Variants in CACNA1S observed in about 807,000 individuals in gnomAD.
The protein encoded by CACNA1S is calcium voltage-gated channel subunit alpha1 S.
Under a neutral mutation model 207.4 loss-of-function variants are expected in CACNA1S, and 126 were observed. The observed-to-expected ratio is 0.61, with a 90% confidence interval of 0.53 to 0.70. CACNA1S has a LOEUF of 0.70. Ranked by LOEUF, CACNA1S falls within the 30% of genes least tolerant of loss-of-function variation. The probability of loss-of-function intolerance (pLI) is 0.00; values close to 1 mark genes in which losing one functional copy is unlikely to be tolerated. For synonymous variants in CACNA1S, 960 were observed against 932.7 expected (o/e 1.03, Z -0.53); for missense variants, 2,349 against 2,422.8 (o/e 0.97, Z 0.64).
At position 201,066,951 on chromosome 1, in the gene CACNA1S, G is replaced by A. The variant is rs201205904; in HGVS notation, c.2593C>T (p.Arg865Cys). Residue 865 changes from arginine (R) to cysteine (C), a missense_variant, in exon 20 of 44, where the codon CGC becomes TGC. Transcript: ENST00000362061. This position sits in a 1 kb window ranked among gnomAD's most constrained non-coding sequence, Gnocchi z 4.3. ...AGGTCCAGCATGTTGAAGTAATTGCGGCAGAAGGAACCCTTGTGCAGGAAG... is the reference window on the plus strand; with the variant it reads ...AGGTCCAGCATGTTGAAGTAATTGCAGCAGAAGGAACCCTTGTGCAGGAAG... ...GAFLHKGSFC[R>C]NYFNMLDLLV... The A allele has an allele frequency of 5.8e-5, 94 of 1,614,182 alleles. No individual in the cohort carries two copies. The highest frequency in any genetic ancestry group is 4.0e-4 in the African/African-American group (30 of 75,048).
Position 201,075,558 on chromosome 1 carries a change from C to A in CACNA1S, c.1885G>T (p.Gly629Trp). The A allele has an allele frequency of 6.2e-7, 1 of 1,614,090 alleles. No individual in the cohort carries two copies. The highest frequency in any genetic ancestry group is 8.5e-7 in the Non-Finnish European group (1 of 1,179,984). The change falls in exon 13 of 44, where the codon GGG (glycine) becomes TGG (tryptophan). Residue 629 changes from glycine to tryptophan, a missense_variant. Coordinates refer to ENST00000362061, the MANE Select transcript of CACNA1S (RefSeq NM_000069.3). ...MMYNGIMAYG[G>W]PSYPGMLVCI... is the part of the protein sequence containing the mutation. ...ACAAGCATGCCAGGGTAGGACGGCC[C>A]GCCGTAGGCCATGATCCCATTGTAC...
At position 201,073,606 on chromosome 1, in the gene CACNA1S, C is replaced by T. The variant is rs774160640; in HGVS notation, c.2100G>A (p.Thr700=). 51 of 1,614,092 alleles carry T rather than the reference C, an allele frequency of 3.2e-5. No individual in the cohort carries two copies. The African/African-American group carries it at 3.7e-4, about 12-fold the overall frequency. Residue 700 remains threonine (T), a synonymous_variant, in exon 15 of 44, where the codon ACG becomes ACA. Coordinates refer to ENST00000362061, the MANE Select transcript of CACNA1S (RefSeq NM_000069.3). The stretch of plus-strand genomic sequence containing the variant: ...GTTTCTGCTCCAGCTTCTTGGCCAT[C>T]GTTGACTTCTCCTCTTCTGACTTGT... ...LPDKSEEEKS[T]MAKKLEQKPK...
intron 36 of CACNA1S, among the ~76,000 whole-genome samples, chr1:201,048,304 C>T (rs931452848): frequency 6.6e-6 from 1 of 152,230 alleles, no homozygotes; most frequent in African/African-American, 2.4e-5. Flanking sequence ...CTGCAGGGCA[C>T]CCCTGACCCC....
intron 2 of CACNA1S, among the ~76,000 whole-genome samples, chr1:201,109,920 T>G (rs1451993047): frequency 6.6e-6 from 1 of 152,198 alleles, no homozygotes; most frequent in Admixed American, 6.5e-5. Context: ...ATTAGCACAG[T>G]GCCTGGGACC....
At chr1:201,061,845 A>G in intron 24 of CACNA1S, 99 bp downstream of exon 24, 8 of 1,356,246 alleles carry the variant, frequency 5.9e-6, no homozygotes, top group East Asian at 2.3e-5. Context: ...CGCCTGCCAC[A>G]GGTAGCAGTA....
rs960992068 is a variant in CACNA1S, at chr1:201,049,197, CAG to C, written c.4242-100_4242-99del. 4.9e-6 allele frequency: 4 copies of C among 816,980 alleles called. No homozygotes were observed. The African/African-American group carries it at 5.1e-5, about 10-fold the overall frequency. 50.6% of individuals were successfully genotyped at this position (816,980 alleles called of 1,614,324 possible). On this transcript the variant is annotated intron_variant, in intron 34 of 43. Coordinates refer to ENST00000362061, the MANE Select transcript of CACNA1S (RefSeq NM_000069.3). ...GGCAATGGGAAAGAAAGCCAGGAAA[CAG>C]GGGAGCATTTCCTTATTTTCCAACT...
intron 19 of CACNA1S, among the ~76,000 whole-genome samples, chr1:201,068,148 G>A (rs916643474): frequency 6.6e-6 from 1 of 151,844 alleles, no homozygotes; most frequent in African/African-American, 2.4e-5. Context: ...CACTTCTCTG[G>A]GGACTCTTGG....
rs534746881 is a variant in CACNA1S, at chr1:201,076,315, G to A, written c.1827+605C>T. ...TGGAAGAAAGAGAGGATCGACGGAC[G>A]ATCACACACTGCCTTTCTCACTGGT... On this transcript the variant is annotated intron_variant, in intron 12 of 43. Coordinates refer to ENST00000362061, the MANE Select transcript of CACNA1S (RefSeq NM_000069.3). 6.5e-4 allele frequency among the ~76,000 whole-genome samples: 99 copies of A among 152,332 alleles called. 1 individual carries two copies. The South Asian group carries it at 0.011, about 17-fold the overall frequency.
chr1:201,061,333 G>A lies in CACNA1S; in HGVS notation c.3189C>T (p.Phe1063=), dbSNP rs150020550. 2.0e-5 allele frequency: 32 copies of A among 1,614,192 alleles called. No individual in the cohort carries two copies. In the East Asian group the frequency reaches 4.5e-4, roughly 22 times the overall value. ...CCTGCTCCTGGAAGGTGACAATGAC[G>A]AAGCCCACAAAGATGTTCATCATGA... is the stretch of plus-strand genomic sequence containing the variant. The part of the protein sequence containing the change: ...AFFMMNIFVG[F]VIVTFQEQGE... Residue 1063 remains phenylalanine (F), a synonymous_variant, in exon 25 of 44, where the codon TTC becomes TTT. Transcript: ENST00000362061.
rs770379814 is a variant in CACNA1S, at chr1:201,085,433, A to C, written c.1150+3T>G. The C allele has an allele frequency of 1.9e-6, 3 of 1,613,604 alleles. No homozygotes were observed. The South Asian group carries it at 3.3e-5, about 18-fold the overall frequency. ...GTGCTGACCACAGCCTTTGGGCCCA[A>C]ACCTTCTCTGAAGTCCTCAACATCC... On this transcript the variant is annotated splice_donor_region_variant and intron_variant, in intron 8 of 43. Coordinates refer to ENST00000362061, the MANE Select transcript of CACNA1S (RefSeq NM_000069.3).
At chr1:201,103,153 G>A (rs1662740772) in intron 2 of CACNA1S, among the ~76,000 whole-genome samples, 1 of 151,962 alleles carries the variant, frequency 6.6e-6, no homozygotes, top group South Asian at 2.1e-4. Flanking sequence ...GGCTGAGACA[G>A]GAGAATTGCT....
intron 38 of CACNA1S, among the ~76,000 whole-genome samples, chr1:201,046,293 C>T (rs184200602): frequency 1.3e-5 from 2 of 152,196 alleles, no homozygotes; most frequent in East Asian, 1.9e-4. Flanking sequence ...GTGATGCTCC[C>T]GCCTCAACCT....
intron 2 of CACNA1S, among the ~76,000 whole-genome samples, 195 bp downstream of exon 2, chr1:201,109,968 AT>A: frequency 6.6e-6 from 1 of 152,126 alleles, no homozygotes; most frequent in East Asian, 1.9e-4. Context: ...CAGTATCAGA[AT>A]CTGGAATAAG....
chr1:201,108,529 A>T (rs1450146890), intron 2 of CACNA1S, among the ~76,000 whole-genome samples: 1 of 152,198 alleles, frequency 6.6e-6, no homozygotes, highest in Non-Finnish European at 1.5e-5. Flanking sequence ...CTCTCCCTGC[A>T]TTCAGGGACA....
Position 201,050,977 on chromosome 1 carries a change from A to G in CACNA1S, c.4113+7T>C, listed in dbSNP as rs6702590. 1,142,619 of 1,613,468 alleles carry G rather than the reference A, an allele frequency of 0.71. 412,372 individuals are homozygous for G. Among genetic ancestry groups the G allele is most frequent in the East Asian group, 0.98 (44,163 of 44,852 alleles). ...TCTCCCTGCCCCGCAGGCCCTCAGCATCTCACCAGGAAGGCACAGAGCATG... is the reference window on the plus strand; with the variant it reads ...TCTCCCTGCCCCGCAGGCCCTCAGCGTCTCACCAGGAAGGCACAGAGCATG... On this transcript the variant is annotated splice_region_variant and intron_variant, in intron 33 of 43. Transcript: ENST00000362061.
chr1:201,102,100 T>A (rs73076872), intron 2 of CACNA1S, among the ~76,000 whole-genome samples: 2,593 of 152,128 alleles, frequency 0.017, 89 homozygotes, highest in African/African-American at 0.06. Flanking sequence ...CCGAGCCCAG[T>A]GGAGGACGAA....
chr1:201,050,431 T>A lies in CACNA1S; in HGVS notation c.4199A>T (p.Asp1400Val), dbSNP rs1169655313. 18 of 1,613,958 alleles carry A rather than the reference T, an allele frequency of 1.1e-5. No individual in the cohort carries two copies. Among genetic ancestry groups the A allele is most frequent in the Non-Finnish European group, 1.4e-5 (17 of 1,180,012 alleles). ...DWSILGPHHL[D>V]EFKAIWAEYD... ...CTCTGCCCAGATGGCCTTGAACTCATCCAGGTGATGAGGGCCCAGGATGGA... is the reference window on the plus strand; with the variant it reads ...CTCTGCCCAGATGGCCTTGAACTCAACCAGGTGATGAGGGCCCAGGATGGA... The change falls in exon 34 of 44, where the codon GAT becomes GTT. Residue 1400 changes from aspartate (D) to valine (V), a missense_variant. Physicochemically the swap from Asp to Val is radical, Grantham distance 152. Transcript: ENST00000362061.
At position 201,066,235 on chromosome 1, in the gene CACNA1S, C is replaced by T. The variant is rs945776492; in HGVS notation, c.2739G>A (p.Gly913=). 6.2e-7 allele frequency: 1 copy of T among 1,613,896 alleles called. No homozygotes were observed. The highest frequency in any genetic ancestry group is 8.5e-7 in the Non-Finnish European group (1 of 1,179,956). Residue 913 remains glycine (G), a synonymous_variant, in exon 21 of 44, where the codon GGG becomes GGA. Coordinates refer to ENST00000362061, the MANE Select transcript of CACNA1S (RefSeq NM_000069.3). The surrounding 1 kb of genome is among the most constrained non-coding windows in gnomAD (Gnocchi z 4.3). ...TGCCCGGGCCCTCTCTCACCTTCAA[C>T]CCCTTGGCTCTGTTGATGGCTCTGA... ...RPLRAINRAK[G]LKHVVQCMFV...
chr1:201,109,479 T>C lies in CACNA1S; in HGVS notation c.258+685A>G, dbSNP rs1241770553. ...ATCCTGGCATTTAATAAGCACTTAC[T>C]AAATGCTAGCCATTTTTATTATTAA... is the stretch of plus-strand genomic sequence containing the variant. On this transcript the variant is annotated intron_variant, in intron 2 of 43. Transcript: ENST00000362061. 2.6e-5 allele frequency among the ~76,000 whole-genome samples: 4 copies of C among 152,352 alleles called. No individual in the cohort carries two copies. The East Asian group carries it at 7.7e-4, about 29-fold the overall frequency.
Sources: gnomAD v4.1 joint callset for allele counts (sites outside exome capture counted in the v4.1 genomes callset) on GRCh38, gnomAD v4.1.1 for gene constraint, Gnocchi (gnomAD v3.1) non-coding constraint, MANE v1.5 for transcripts, NCBI Gene and HGNC (gene_info 2026-07-23, HGNC 2026-07-21) for gene names.